Variants in GRID1 observed in about 807,000 individuals in gnomAD.
GRID1 encodes glutamate ionotropic receptor delta type subunit 1, also known as glutamate receptor ionotropic, delta-1.
Under a neutral mutation model 98.0 loss-of-function variants are expected in GRID1, and 28 were observed. That is an observed-to-expected ratio of 0.29 (90% CI 0.21 to 0.39). GRID1 has a LOEUF of 0.39. Among genes scored for constraint, GRID1 ranks in the 10% least tolerant of loss-of-function variants. The probability of loss-of-function intolerance (pLI) is 1.00; values close to 1 mark genes in which losing one functional copy is unlikely to be tolerated. For synonymous variants in GRID1, 553 were observed against 538.5 expected, an observed-to-expected ratio of 1.03 and a Z score of -0.37; for missense variants, 1,111 against 1,340.5, an observed-to-expected ratio of 0.83 and a Z score of 2.67.
Position 85,768,607 on chromosome 10 carries a change from A to C in GRID1, c.1234-38993T>G, listed in dbSNP as rs893249057. Among the ~76,000 whole-genome samples the C allele has an allele frequency of 7.2e-5, 11 of 152,362 alleles. No individual in the cohort carries two copies. In the South Asian group the frequency reaches 1.9e-3, roughly 26 times the overall value. On this transcript the variant is annotated intron_variant, in intron 8 of 15. Coordinates refer to ENST00000327946, the MANE Select transcript of GRID1 (RefSeq NM_017551.3). ...AAGACTAGCCATTAACAGAAAAGGA[A>C]AACAAATGCCTCTAAAACATTTGAA...
chr10:85,683,957 C>T (rs1006745838), intron 12 of GRID1, among the ~76,000 whole-genome samples: 1 of 152,054 alleles, frequency 6.6e-6, no homozygotes, highest in Non-Finnish European at 1.5e-5. Flanking sequence ...TAGATTACAG[C>T]CATGTGACTA....
chr10:85,850,140 G>T (rs1437924884), intron 8 of GRID1, among the ~76,000 whole-genome samples: 4 of 152,174 alleles, frequency 2.6e-5, no homozygotes, highest in African/African-American at 9.7e-5. Context: ...GGTTCAAAGG[G>T]CCTGCGAGCA....
intron 8 of GRID1, among the ~76,000 whole-genome samples, chr10:85,762,927 G>T (rs550029564): frequency 2.6e-5 from 4 of 152,158 alleles, no homozygotes; most frequent in Non-Finnish European, 5.9e-5. Context: ...CTAGTCCAAA[G>T]TCACAGCTAG....
intron 8 of GRID1, among the ~76,000 whole-genome samples, chr10:85,755,177 G>C (rs1373536823): frequency 6.6e-6 from 1 of 152,132 alleles, no homozygotes; most frequent in Admixed American, 6.5e-5. Context: ...TCCAGGCCTG[G>C]TCAAACTTGC....
chr10:86,115,491 C>T (rs150451147), intron 4 of GRID1, among the ~76,000 whole-genome samples: 1 of 152,320 alleles, frequency 6.6e-6, no homozygotes, highest in East Asian at 1.9e-4. Flanking sequence ...GCTAGGCACA[C>T]CTTTAAGTGC....
intron 4 of GRID1, among the ~76,000 whole-genome samples, chr10:86,105,560 A>T (rs1844370263): frequency 6.6e-6 from 1 of 152,280 alleles, no homozygotes; most frequent in South Asian, 2.1e-4. Context: ...CACGCTCTTC[A>T]ATGAAAGCAG....
intron 4 of GRID1, among the ~76,000 whole-genome samples, chr10:85,991,894 T>A (rs1292881635): frequency 6.6e-6 from 1 of 152,140 alleles, no homozygotes; most frequent in Non-Finnish European, 1.5e-5. Context: ...AGATTAAATG[T>A]TCTAAAACAA....
intron 4 of GRID1, among the ~76,000 whole-genome samples, chr10:86,049,266 C>T (rs1010845760): frequency 3.3e-5 from 5 of 152,198 alleles, no homozygotes; most frequent in Admixed American, 1.3e-4. Flanking sequence ...CTACTCCTAC[C>T]AACATACTTT....
rs550280045 is a variant in GRID1, at chr10:85,695,180, C to T, written c.1997+27823G>A. ...TAGGTTAGTCCTCAATGAGAGTCAT[C>T]TTTTCAACAGTCTATAGAGTAAGCC... On this transcript the variant is annotated intron_variant, in intron 12 of 15. Transcript: ENST00000327946. 5.9e-5 allele frequency among the ~76,000 whole-genome samples: 9 copies of T among 152,258 alleles called. No homozygotes were observed. The South Asian group carries it at 1.9e-3, about 32-fold the overall frequency.
intron 2 of GRID1, among the ~76,000 whole-genome samples, chr10:86,218,661 G>A (rs1373211701): frequency 6.6e-6 from 1 of 152,164 alleles, no homozygotes; most frequent in African/African-American, 2.4e-5. Context: ...TATCTACCTG[G>A]TGAATCCTTC....
At chr10:85,675,299 T>C (rs1841132302) in intron 12 of GRID1, among the ~76,000 whole-genome samples, 1 of 152,186 alleles carries the variant, frequency 6.6e-6, no homozygotes, top group Non-Finnish European at 1.5e-5. Context: ...AAGTCTAGAA[T>C]GGCAGTGCCC....
At position 86,308,911 on chromosome 10, in the gene GRID1, C is replaced by T. The variant is rs145045303; in HGVS notation, c.235+55030G>A. On this transcript the variant is annotated intron_variant, in intron 2 of 15. Coordinates refer to ENST00000327946, the MANE Select transcript of GRID1 (RefSeq NM_017551.3). ...TCCATTCATGAGAGCAGAGCCCTCA[C>T]GACCTACTCGCCTTTTAATGGTCTC... Among the ~76,000 whole-genome samples, 819 of 152,320 alleles carry T rather than the reference C, an allele frequency of 5.4e-3. 2 individuals are homozygous for T. The highest frequency in any genetic ancestry group is 9.5e-3 in the Non-Finnish European group (644 of 68,032).
chr10:86,242,288 CT>C (rs1846650081), intron 2 of GRID1, among the ~76,000 whole-genome samples: 1 of 152,146 alleles, frequency 6.6e-6, no homozygotes, highest in African/African-American at 2.4e-5. Context: ...GCATTCCTAG[CT>C]TTTGGATCAT....
intron 3 of GRID1, among the ~76,000 whole-genome samples, chr10:86,202,519 T>C (rs970164273): frequency 3.3e-5 from 5 of 152,240 alleles, no homozygotes; most frequent in African/African-American, 9.6e-5. Context: ...ATCCAAACTT[T>C]TGGTATTTTA....
intron 2 of GRID1, among the ~76,000 whole-genome samples, chr10:86,257,584 C>T (rs987950184): frequency 6.6e-6 from 1 of 152,188 alleles, no homozygotes; most frequent in Non-Finnish European, 1.5e-5. Context: ...TTCATGATAT[C>T]ATACCCTAGA....
chr10:86,101,985 A>G (rs907626501), intron 4 of GRID1, among the ~76,000 whole-genome samples: 1 of 152,206 alleles, frequency 6.6e-6, no homozygotes, highest in Non-Finnish European at 1.5e-5. Context: ...GGTTATTACA[A>G]CAAAGCCGCT....
intron 4 of GRID1, among the ~76,000 whole-genome samples, chr10:86,031,606 G>A (rs1042066355): frequency 6.6e-6 from 1 of 152,070 alleles, no homozygotes; most frequent in Non-Finnish European, 1.5e-5. Context: ...CCTGACCACT[G>A]TTTAGGTTTT....
chr10:86,089,289 T>C (rs1206495772), intron 4 of GRID1, among the ~76,000 whole-genome samples: 1 of 152,150 alleles, frequency 6.6e-6, no homozygotes, highest in East Asian at 1.9e-4. Context: ...GTGGCTTCAG[T>C]AGGGAGCCAG....
chr10:85,945,213 A>C lies in GRID1; in HGVS notation c.727-28974T>G, dbSNP rs143469401. On this transcript the variant is annotated intron_variant, in intron 4 of 15. Coordinates refer to ENST00000327946, the MANE Select transcript of GRID1 (RefSeq NM_017551.3). ...ACATATTAGAATATATAATACGAAA[A>C]GATCCAAAAGAAGAAATAAATGATT... Among the ~76,000 whole-genome samples, 10 of 152,374 alleles carry C rather than the reference A, an allele frequency of 6.6e-5. No homozygotes were observed. The South Asian group carries it at 1.2e-3, about 19-fold the overall frequency.
Sources: allele counts gnomAD v4.1 joint callset (sites outside exome capture counted in the v4.1 genomes callset), GRCh38; gene constraint gnomAD v4.1.1; transcripts MANE v1.5; gene names NCBI Gene and HGNC (gene_info 2026-07-23, HGNC 2026-07-21).